The following DUOXA2 variants were observed in gnomAD, a reference collection of about 807,000 sequenced individuals.
The protein encoded by DUOXA2 is dual oxidase maturation factor 2.
DUOXA2 carries 22 observed loss-of-function variants against 27.6 expected under a neutral mutation model. The ratio of observed to expected loss-of-function variants is 0.80; its 90% CI spans 0.57 to 1.14. The LOEUF (loss-of-function observed/expected upper bound fraction) is 1.14. Among genes scored for constraint, DUOXA2 ranks in the 50% most tolerant of loss-of-function variants. DUOXA2 has a pLI of 0.00. For synonymous variants in DUOXA2, 188 were observed against 184.4 expected, an observed-to-expected ratio of 1.02 and a Z score of -0.16; for missense variants, 481 against 419.9, an observed-to-expected ratio of 1.15 and a Z score of -1.27.
rs369381730 is a variant in DUOXA2 at position 45,118,027 on chromosome 15, C to T, written c.*118C>T. ...GGCACTGAGCGCTGCTGGCGCGAGGCCTCGGACATCCGCAGGCACCAGGGA... is the reference window on the plus strand; with the variant it reads ...GGCACTGAGCGCTGCTGGCGCGAGGTCTCGGACATCCGCAGGCACCAGGGA... On this transcript the variant is annotated 3_prime_UTR_variant, in exon 6 of 6. Transcript: ENST00000323030. The T allele has an allele frequency of 6.3e-7, 1 of 1,599,158 alleles. No homozygotes were observed. The highest frequency in any genetic ancestry group is 1.3e-5 in the African/African-American group (1 of 74,704).
rs746981669 is a variant in DUOXA2 at position 45,114,650 on chromosome 15, G to T, written c.45G>T (p.Arg15=). Residue 15 remains arginine (R), a synonymous_variant, in exon 1 of 6, where the codon CGG becomes CGT. Coordinates refer to ENST00000323030, the MANE Select transcript of DUOXA2 (RefSeq NM_207581.4). ...NGVLPFYPQP[R]HAAGFSVPLL... ...TACTGCCTTTTTACCCCCAGCCCCG[G>T]CATGCCGCAGGCTTCAGCGTTCCAC... is the stretch of plus-strand genomic sequence containing the variant. 2 of 1,614,206 alleles carry T rather than the reference G, an allele frequency of 1.2e-6. No individual in the cohort carries two copies. The highest frequency in any genetic ancestry group is 1.1e-5 in the South Asian group (1 of 91,086).
Position 45,118,393 on chromosome 15 carries a change from G to A in DUOXA2, c.*484G>A, listed in dbSNP as rs1259479242. ...CAGCTAGCCCAGCTGAGTGGGGTGG[G>A]AAGGAATAGCGTTTTGGAGTTGATT... is the stretch of plus-strand genomic sequence containing the variant. On this transcript the variant is annotated 3_prime_UTR_variant, in exon 6 of 6. Transcript: ENST00000323030. The A allele has an allele frequency of 9.3e-7, 1 of 1,074,790 alleles. No individual in the cohort carries two copies. The highest frequency in any genetic ancestry group is 1.1e-6 in the Non-Finnish European group (1 of 887,554). The allele number at this position is 1,074,790 out of a possible 1,614,324, so 66.6% of individuals were successfully genotyped here. A position where few individuals can be genotyped will look rare whatever the true frequency, so the allele number is the denominator to read the frequency against.
At chr15:45,117,476 G>A (rs1306350077) in intron 5 of DUOXA2, 171 bp downstream of exon 5, 3 of 1,550,050 alleles carry the variant, frequency 1.9e-6, no homozygotes, top group South Asian at 2.4e-5. Flanking sequence ...AAAGTGGGGG[G>A]CTCAGAAGGG....
chr15:45,117,926 A>C lies in DUOXA2; in HGVS notation c.*17A>C, dbSNP rs1595538353. On this transcript the variant is annotated 3_prime_UTR_variant, in exon 6 of 6. Transcript: ENST00000323030. ...AACCTGTGAGGGGGACCCAATCTGG[A>C]CTCCTTCCCCGCCTTGGGACATCGC... is the stretch of plus-strand genomic sequence containing the variant. 1 of 1,612,556 alleles carries C rather than the reference A, an allele frequency of 6.2e-7. No homozygotes were observed. The highest frequency in any genetic ancestry group is 8.5e-7 in the Non-Finnish European group (1 of 1,179,896).
Position 45,118,072 on chromosome 15 carries a change from G to A in DUOXA2, c.*163G>A, listed in dbSNP as rs1247352170. On this transcript the variant is annotated 3_prime_UTR_variant, in exon 6 of 6. Coordinates refer to ENST00000323030, the MANE Select transcript of DUOXA2 (RefSeq NM_207581.4). ...CAGGGAAAGTCTCCTGGGGCGATCT[G>A]TAAATAAACCTTTTTTTCTTTTGTT... The A allele has an allele frequency of 1.3e-6, 2 of 1,537,524 alleles. No homozygotes were observed. Among genetic ancestry groups the A allele is most frequent in the East Asian group, 2.3e-5 (1 of 43,874 alleles).
Position 45,116,512 on chromosome 15 carries a change from A to T in DUOXA2, c.341-4A>T, listed in dbSNP as rs2554459. 2 of 1,613,484 alleles carry T rather than the reference A, an allele frequency of 1.2e-6. No individual in the cohort carries two copies. The highest frequency in any genetic ancestry group is 1.7e-6 in the Non-Finnish European group (2 of 1,180,042). On this transcript the variant is annotated splice_region_variant and splice_polypyrimidine_tract_variant and intron_variant, in intron 3 of 5. Coordinates refer to ENST00000323030, the MANE Select transcript of DUOXA2 (RefSeq NM_207581.4). Reference sequence around the variant, plus strand: ...CAGCCCCATGAGCCCGCCTCACCCCACAGGGACCCCAGTGCATCAGCTGAA... The same window carrying T: ...CAGCCCCATGAGCCCGCCTCACCCCTCAGGGACCCCAGTGCATCAGCTGAA...
chr15:45,116,540 A>G lies in DUOXA2; in HGVS notation c.365A>G (p.Glu122Gly). 1 of 1,613,954 alleles carries G rather than the reference A, an allele frequency of 6.2e-7. No individual in the cohort carries two copies. The highest frequency in any genetic ancestry group is 8.5e-7 in the Non-Finnish European group (1 of 1,180,026). The change falls in exon 4 of 6, where the codon GAG becomes GGG. Residue 122 changes from glutamate (E) to glycine (G), a missense_variant. Transcript: ENST00000323030. ...GGGACCCCAGTGCATCAGCTGAACG[A>G]GACCATTGACTACAACGAGCAGTTC... is the stretch of plus-strand genomic sequence containing the variant. ...LTGTPVHQLNETIDYNEQFTW... is the reference protein window; with the variant it reads ...LTGTPVHQLNGTIDYNEQFTW...
intron 5 of DUOXA2, 115 bp downstream of exon 5, chr15:45,117,420 C>T (rs1894710321): frequency 6.6e-7 from 1 of 1,519,712 alleles, no homozygotes. Flanking sequence ...TTGCCCCTCT[C>T]AATAGTTCGC....
chr15:45,115,105 T>G (rs557251629), intron 1 of DUOXA2, among the ~76,000 whole-genome samples: 1 of 152,294 alleles, frequency 6.6e-6, no homozygotes, highest in Non-Finnish European at 1.5e-5. Flanking sequence ...CGGTGGGTGA[T>G]GACCTTCAGG....
In DUOXA2 at chr15:45,117,501, G is replaced by C. The variant is rs770915057; in HGVS notation, c.769+196G>C. 6.4e-6 allele frequency: 10 copies of C among 1,552,868 alleles called. No individual in the cohort carries two copies. The South Asian group carries it at 1.1e-4, about 17-fold the overall frequency. On this transcript the variant is annotated intron_variant, in intron 5 of 5. Coordinates refer to ENST00000323030, the MANE Select transcript of DUOXA2 (RefSeq NM_207581.4). ...GCTCAGAAGGGTTTGGTGTCTTGCC[G>C]TGTTTCATGTAATTCAGATTAGAGG...
chr15:45,117,775 G>T lies in DUOXA2; in HGVS notation c.829G>T (p.Ala277Ser), dbSNP rs746815709. ...VVSLQYVRPS[A>S]LRTLLDQSAK... ...GAGTCTCCAGTATGTTCGGCCCAGC[G>T]CTCTTCGCACCCTTCTGGACCAAAG... Residue 277 changes from alanine to serine, a missense_variant, in exon 6 of 6, where the codon GCT (alanine) becomes TCT (serine). By Grantham distance (99) the Ala-to-Ser change is moderately conservative. Transcript: ENST00000323030. The T allele has an allele frequency of 1.9e-6, 3 of 1,613,892 alleles. No individual in the cohort carries two copies. The East Asian group carries it at 6.7e-5, about 36-fold the overall frequency.
At position 45,117,274 on chromosome 15, in the gene DUOXA2, C is replaced by G. The variant is rs4774518; in HGVS notation, c.738C>G (p.Tyr246Ter). Residue 246 changes from tyrosine (Y) to a stop codon, truncating the protein, a stop_gained, in exon 5 of 6, where the codon TAC becomes TAG. Transcript: ENST00000323030. LOFTEE classifies it low-confidence loss of function (END_TRUNC). ...GCTCCTCCGCGCTCACCACTCAGTA[C>G]GGCGCCGCCTTCTGGGTCACGCTGG... is the stretch of plus-strand genomic sequence containing the variant. ...RLGSSALTTQ[Y>*]GAAFWVTLAT... 66 of 1,603,982 alleles carry G rather than the reference C, an allele frequency of 4.1e-5. No homozygotes were observed. The East Asian group carries it at 1.2e-3, about 29-fold the overall frequency.
At chr15:45,115,463 C>T (rs1304499280) in intron 1 of DUOXA2, 12 of 537,092 alleles carry the variant, frequency 2.2e-5, no homozygotes, top group Non-Finnish European at 3.9e-5. Context: ...TCTGGACTCA[C>T]TGAGCCTCAC....
At position 45,116,691 on chromosome 15, in the gene DUOXA2, G is replaced by A. The variant is rs1894650521; in HGVS notation, c.516G>A (p.Gln172=). Residue 172 remains glutamine (Q), a synonymous_variant, in exon 4 of 6, where the codon CAG becomes CAA. Coordinates refer to ENST00000323030, the MANE Select transcript of DUOXA2 (RefSeq NM_207581.4). The part of the protein sequence containing the change: ...TPSSPCGLYH[Q]YHLAGHYASA... Reference sequence around the variant, plus strand: ...GTAGCCCTTGCGGCCTGTACCACCAGTACCACCTGGCGGGACACTACGCCT... The same window carrying A: ...GTAGCCCTTGCGGCCTGTACCACCAATACCACCTGGCGGGACACTACGCCT... The A allele has an allele frequency of 1.9e-6, 3 of 1,613,676 alleles. No individual in the cohort carries two copies. Among genetic ancestry groups the A allele is most frequent in the African/African-American group, 1.3e-5 (1 of 75,066 alleles).
Position 45,118,302 on chromosome 15 carries a change from A to C in DUOXA2, c.*393A>C. ...ACCAGAGCTAGCATCTTTCTGAACC[A>C]CCCCAGGGGGACGTTAGGTGGCAGT... On this transcript the variant is annotated 3_prime_UTR_variant, in exon 6 of 6. Transcript: ENST00000323030. The C allele has an allele frequency of 7.9e-7, 1 of 1,266,268 alleles. No homozygotes were observed. Among genetic ancestry groups the C allele is most frequent in the Non-Finnish European group, 9.9e-7 (1 of 1,006,050 alleles). 78.4% of individuals were successfully genotyped at this position (1,266,268 alleles called of 1,614,324 possible).
At position 45,116,158 on chromosome 15, in the gene DUOXA2, A is replaced by G. The variant is rs78257203; in HGVS notation, c.240A>G (p.Thr80=). 221 of 1,613,912 alleles carry G rather than the reference A, an allele frequency of 1.4e-4. 1 individual carries two copies. In the African/African-American group the frequency reaches 2.6e-3, roughly 19 times the overall value. The part of the protein sequence containing the change: ...VHFSAEWFVG[T]VNTNTSYKAF... ...TCAGTGCAGAATGGTTCGTGGGTAC[A>G]GTGAACACCAACACATCCTACAAAG... Residue 80 remains threonine (T), a synonymous_variant, in exon 3 of 6, where the codon ACA becomes ACG. Transcript: ENST00000323030.
In DUOXA2 at chr15:45,114,555, G is replaced by C; in HGVS notation, c.-51G>C. Reference sequence around the variant, plus strand: ...GCTCTCCCGCGTCCAGGCAGCCCCAGCTTGCTGGCTTGCCTGCCCGCCTGC... The same window carrying C: ...GCTCTCCCGCGTCCAGGCAGCCCCACCTTGCTGGCTTGCCTGCCCGCCTGC... On this transcript the variant is annotated 5_prime_UTR_variant, in exon 1 of 6. Transcript: ENST00000323030. The C allele has an allele frequency of 3.7e-6, 6 of 1,609,824 alleles. No homozygotes were observed. Among genetic ancestry groups the C allele is most frequent in the Non-Finnish European group, 5.1e-6 (6 of 1,179,018 alleles).
chr15:45,117,289 G>T lies in DUOXA2; in HGVS notation c.753G>T (p.Trp251Cys), dbSNP rs769776095. 5.2e-5 allele frequency: 83 copies of T among 1,598,034 alleles called. No individual in the cohort carries two copies. The Admixed American group carries it at 1.4e-3, about 26-fold the overall frequency. Reference protein sequence around the residue: ...ALTTQYGAAFWVTLATGVLCL... With the variant: ...ALTTQYGAAFCVTLATGVLCL... ...CCACTCAGTACGGCGCCGCCTTCTGGGTCACGCTGGCAACCGGTGAGGACC... is the reference window on the plus strand; with the variant it reads ...CCACTCAGTACGGCGCCGCCTTCTGTGTCACGCTGGCAACCGGTGAGGACC... The change falls in exon 5 of 6, where the codon TGG (tryptophan) becomes TGT (cysteine). Residue 251 changes from tryptophan to cysteine, a missense_variant. Transcript: ENST00000323030.
At chr15:45,115,889 C>G (rs184512789) in intron 2 of DUOXA2, 33 bp downstream of exon 2, 1 of 1,613,608 alleles carries the variant, frequency 6.2e-7, no homozygotes, top group African/African-American at 1.3e-5. Context: ...GGGGAGAGGA[C>G]GGGGTGAGGA....
Sources: allele counts gnomAD v4.1 joint callset (sites outside exome capture counted in the v4.1 genomes callset), GRCh38; gene constraint gnomAD v4.1.1; transcripts MANE v1.5; gene names NCBI Gene and HGNC (gene_info 2026-07-23, HGNC 2026-07-21).